Variants in DGCR2 observed in about 807,000 individuals in gnomAD.
DGCR2 encodes integral membrane protein DGCR2/IDD.
In DGCR2, 24 loss-of-function variants were observed where a neutral mutation model predicts 51.6. The observed-to-expected ratio is 0.47, with a 90% CI of 0.34 to 0.65. DGCR2 has a LOEUF of 0.65. DGCR2 is among the 30% of genes least tolerant of loss of function. DGCR2 has a pLI of 0.01. For missense variants in DGCR2, 765 were observed against 772.1 expected, an observed-to-expected ratio of 0.99 and a Z score of 0.11; for synonymous variants, 340 against 315.4, an observed-to-expected ratio of 1.08 and a Z score of -0.82.
At chr22:19,063,036 C>T (rs980307090) in intron 5 of DGCR2, among the ~76,000 whole-genome samples, 166 bp downstream of exon 5, 1 of 152,176 alleles carries the variant, frequency 6.6e-6, no homozygotes, top group African/African-American at 2.4e-5. Flanking sequence ...GATCTGCAGG[C>T]TGCACTGGCC....
rs1401291702 is a variant in DGCR2 at position 19,048,608 on chromosome 22, C to T, written c.838G>A (p.Asp280Asn). 3 of 1,614,266 alleles carry T rather than the reference C, an allele frequency of 1.9e-6. No homozygotes were observed. Among genetic ancestry groups the T allele is most frequent in the Non-Finnish European group, 2.5e-6 (3 of 1,180,046 alleles). ...TTAGGGGTGAAGTAGAACCCTTCAT[C>T]CACCACGTTGTCCTTGATGTCAACA... ...TCVDIKDNVV[D>N]EGFYFTPKGD... Residue 280 changes from aspartate to asparagine, a missense_variant, in exon 7 of 10, where the codon GAT (aspartate) becomes AAT (asparagine). Coordinates refer to ENST00000263196, the MANE Select transcript of DGCR2 (RefSeq NM_005137.3).
In DGCR2 at chr22:19,087,275, G is replaced by A. The variant is rs181533388; in HGVS notation, c.202+2093C>T. On this transcript the variant is annotated intron_variant, in intron 2 of 9. Transcript: ENST00000263196. ...AGGACTGTCCCAGAGGCTCCTGACCGGGCCAACACCATCCAAACCCTCATT... is the reference window on the plus strand; with the variant it reads ...AGGACTGTCCCAGAGGCTCCTGACCAGGCCAACACCATCCAAACCCTCATT... 3.1e-3 allele frequency among the ~76,000 whole-genome samples: 470 copies of A among 152,228 alleles called. 1 individual carries two copies. Among genetic ancestry groups the A allele is most frequent in the Non-Finnish European group, 4.0e-3 (273 of 68,006 alleles).
intron 1 of DGCR2, among the ~76,000 whole-genome samples, chr22:19,113,285 G>A (rs1472957838): frequency 1.3e-5 from 2 of 151,918 alleles, no homozygotes; most frequent in African/African-American, 2.4e-5. Context: ...CAGAAGAATC[G>A]CTTGAACCCG....
At chr22:19,100,299 C>A (rs893126151) in intron 1 of DGCR2, among the ~76,000 whole-genome samples, 1 of 151,998 alleles carries the variant, frequency 6.6e-6, no homozygotes, top group African/African-American at 2.4e-5. Context: ...CACCCCTTTT[C>A]ACTGATGGCT....
chr22:19,122,055 G>T, intron 1 of DGCR2, 73 bp downstream of exon 1: 1 of 1,195,380 alleles, frequency 8.4e-7, no homozygotes, highest in Non-Finnish European at 1.1e-6. Context: ...CGCCGCGGGT[G>T]AAAGGAGGTC....
rs553931264 is a variant in DGCR2 at position 19,057,868 on chromosome 22, G to A, written c.626-706C>T. 6.6e-6 allele frequency among the ~76,000 whole-genome samples: 1 copy of A among 152,196 alleles called. No homozygotes were observed. Among genetic ancestry groups the A allele is most frequent in the Admixed American group, 6.5e-5 (1 of 15,288 alleles). On this transcript the variant is annotated intron_variant, in intron 5 of 9. Transcript: ENST00000263196. This position sits in a 1 kb window ranked among gnomAD's most constrained non-coding sequence, Gnocchi z 5.1. ...CTCTCTTTTGCAAGGTTCCAGGTGG[G>A]CTCTGGCCATGCCCAGGGCATGGCA...
chr22:19,061,600 C>G (rs2082664034), intron 5 of DGCR2: 1 of 152,214 alleles, frequency 6.6e-6, no homozygotes. Context: ...TTTTATGTTT[C>G]TTTAATCTCT....
chr22:19,059,286 G>A (rs931244235), intron 5 of DGCR2, among the ~76,000 whole-genome samples: 5 of 152,170 alleles, frequency 3.3e-5, no homozygotes, highest in East Asian at 1.9e-4. Context: ...GAGCACAATC[G>A]GGTGACGGAT....
At chr22:19,114,010 G>A (rs1380463796) in intron 1 of DGCR2, among the ~76,000 whole-genome samples, 2 of 143,192 alleles carry the variant, frequency 1.4e-5, no homozygotes, top group African/African-American at 2.6e-5. Context: ...AGTGAGCTGA[G>A]ATTGCACCAC....
intron 9 of DGCR2, among the ~76,000 whole-genome samples, chr22:19,039,369 T>G (rs1274918285): frequency 1.3e-5 from 2 of 152,096 alleles, no homozygotes; most frequent in Non-Finnish European, 2.9e-5. Context: ...AGGGCCCATC[T>G]CACAAAGGCA....
intron 2 of DGCR2, among the ~76,000 whole-genome samples, chr22:19,084,114 G>C (rs148116817): frequency 6.6e-6 from 1 of 152,078 alleles, no homozygotes; most frequent in Non-Finnish European, 1.5e-5. Context: ...CCAAAGTGCC[G>C]AGATTGCAGC....
chr22:19,064,597 T>C (rs933415954), intron 4 of DGCR2, among the ~76,000 whole-genome samples: 9 of 152,052 alleles, frequency 5.9e-5, no homozygotes, highest in African/African-American at 2.2e-4. Context: ...GGGGTACCAA[T>C]GAAAGGGGCT....
chr22:19,100,188 T>G (rs1342688289), intron 1 of DGCR2, among the ~76,000 whole-genome samples: 18 of 149,310 alleles, frequency 1.2e-4, no homozygotes, highest in Admixed American at 1.2e-3. Context: ...AAGAATCGCT[T>G]GAACCGGGGA....
At chr22:19,060,294 T>G (rs570393708) in intron 5 of DGCR2, among the ~76,000 whole-genome samples, 1 of 152,146 alleles carries the variant, frequency 6.6e-6, no homozygotes, top group East Asian at 1.9e-4. Context: ...GGCAACACCA[T>G]ACAATCCCTC....
intron 2 of DGCR2, among the ~76,000 whole-genome samples, chr22:19,084,373 C>A (rs1021371611): frequency 6.6e-6 from 1 of 151,976 alleles, no homozygotes; most frequent in Non-Finnish European, 1.5e-5. Context: ...CCGGCCACGA[C>A]CCCGTCTGGG....
intron 8 of DGCR2, chr22:19,041,496 A>G: frequency 1.6e-6 from 1 of 608,268 alleles, no homozygotes; most frequent in Admixed American, 2.9e-5. Context: ...TCACCACACC[A>G]ACCTGTCCCT....
At chr22:19,091,637 C>T (rs904519498) in intron 1 of DGCR2, among the ~76,000 whole-genome samples, 4 of 152,092 alleles carry the variant, frequency 2.6e-5, no homozygotes, top group Admixed American at 1.3e-4. Context: ...AAGGGCTGGG[C>T]GTGGTGGCTC....
chr22:19,066,085 G>A (rs565702479), intron 3 of DGCR2, among the ~76,000 whole-genome samples: 31 of 152,328 alleles, frequency 2.0e-4, no homozygotes, highest in African/African-American at 6.5e-4. Context: ...GAGTGTGCAA[G>A]GAAGCTCTTT....
rs140091923 is a variant in DGCR2 at position 19,041,985 on chromosome 22, G to A, written c.1007-26C>T. ...CTGAGGGGGAGGGGAGGAAATGGCC[G>A]CTCTGAGAAGGGGGCCACCCTCGTG... On this transcript the variant is annotated intron_variant, in intron 7 of 9. Transcript: ENST00000263196. 25 of 1,604,970 alleles carry A rather than the reference G, an allele frequency of 1.6e-5. 1 individual carries two copies. The highest frequency in any genetic ancestry group is 3.3e-5 in the South Asian group (3 of 89,924).
Sources: allele counts gnomAD v4.1 joint callset (sites outside exome capture counted in the v4.1 genomes callset), GRCh38; gene constraint gnomAD v4.1.1; non-coding constraint Gnocchi (gnomAD v3.1); transcripts MANE v1.5; gene names NCBI Gene and HGNC (gene_info 2026-07-23, HGNC 2026-07-21).